Variants in STON1 observed in about 807,000 individuals in gnomAD.
The protein encoded by STON1 is stonin-1.
STON1 carries 79 observed loss-of-function variants against 60.9 expected under a neutral mutation model. That is an observed-to-expected ratio of 1.30 (90% CI 1.08 to 1.56). STON1 has a LOEUF of 1.56. Ranked by LOEUF, STON1 falls within the 40% of genes most tolerant of loss-of-function variation. The pLI is 0.00. For synonymous variants in STON1, 363 were observed against 306.9 expected, an observed-to-expected ratio of 1.18 and a Z score of -1.91; for missense variants, 1,166 against 858.9, an observed-to-expected ratio of 1.36 and a Z score of -4.47.
chr2:48,557,956 C>G (rs1672452233), intron 1 of STON1, among the ~76,000 whole-genome samples: 3 of 152,206 alleles, frequency 2.0e-5, no homozygotes, highest in African/African-American at 7.2e-5. Flanking sequence ...GGTGCGGTGG[C>G]TCATGCCTGT....
rs1018942468 is a variant in STON1 at position 48,566,578 on chromosome 2, C to T, written c.-47-14009C>T. On this transcript the variant is annotated intron_variant, in intron 1 of 3. Transcript: ENST00000404752. Reference sequence around the variant, plus strand: ...GATTACAGGCGTGAGCCACCGCACCCGACCTGTGACTGGGCATTTTAAAGG... The same window carrying T: ...GATTACAGGCGTGAGCCACCGCACCTGACCTGTGACTGGGCATTTTAAAGG... Among the ~76,000 whole-genome samples, 3 of 152,030 alleles carry T rather than the reference C, an allele frequency of 2.0e-5. No individual in the cohort carries two copies. The South Asian group carries it at 6.2e-4, about 32-fold the overall frequency.
At chr2:48,576,653 GAC>G (rs1339282817) in intron 1 of STON1, among the ~76,000 whole-genome samples, 2 of 151,990 alleles carry the variant, frequency 1.3e-5, no homozygotes, top group Admixed American at 1.3e-4. Flanking sequence ...CTTTTTTGGA[GAC>G]ATGTTTATTC....
Position 48,576,185 on chromosome 2 carries a change from C to CTTTTTTTTTTTTT in STON1, c.-47-4389_-47-4377dup, listed in dbSNP as rs34849002. ...TTGCCAAGATTTGTTGTTTTCCTTT[C>CTTTTTTTTTTTTT]TTTTTTTTTTTTTTTTTTTTTTTTT... On this transcript the variant is annotated intron_variant, in intron 1 of 3. Coordinates refer to ENST00000404752, the MANE Select transcript of STON1 (RefSeq NM_006873.4). Among the ~76,000 whole-genome samples, 2 of 63,062 alleles carry CTTTTTTTTTTTTT rather than the reference C, an allele frequency of 3.2e-5. 1 individual carries two copies. The highest frequency in any genetic ancestry group is 1.4e-4 in the African/African-American group (2 of 13,978). 41.4% of individuals were successfully genotyped at this position (63,062 alleles called of 152,430 possible).
At chr2:48,540,239 A>G (rs545697217) in intron 1 of STON1, among the ~76,000 whole-genome samples, 12 of 152,172 alleles carry the variant, frequency 7.9e-5, no homozygotes, top group Admixed American at 5.2e-4. Flanking sequence ...TATGATATAT[A>G]CTAGTTTTTA....
At chr2:48,578,452 G>T (rs1437758964) in intron 1 of STON1, among the ~76,000 whole-genome samples, 9 of 151,644 alleles carry the variant, frequency 5.9e-5, no homozygotes. Context: ...TCAGCTATCT[G>T]TAGTGTTAGT....
At chr2:48,539,605 G>A (rs1164558786) in intron 1 of STON1, among the ~76,000 whole-genome samples, 2 of 151,816 alleles carry the variant, frequency 1.3e-5, no homozygotes, top group Non-Finnish European at 2.9e-5. Flanking sequence ...GGGTTCAAGC[G>A]ATCTTCCTGC....
intron 1 of STON1, among the ~76,000 whole-genome samples, chr2:48,541,047 CTAATT>C (rs2103754049): frequency 6.6e-6 from 1 of 152,248 alleles, no homozygotes; most frequent in East Asian, 1.9e-4. Flanking sequence ...AAATTAACTC[CTAATT>C]TAAAAGTTTA....
chr2:48,592,898 A>G (rs1188980460), intron 3 of STON1, among the ~76,000 whole-genome samples: 1 of 151,582 alleles, frequency 6.6e-6, no homozygotes, highest in Non-Finnish European at 1.5e-5. Flanking sequence ...TACAAGCGTG[A>G]GCCACCGTAT....
At chr2:48,572,434 A>ATCT (rs1673262535) in intron 1 of STON1, among the ~76,000 whole-genome samples, 1 of 152,156 alleles carries the variant, frequency 6.6e-6, no homozygotes, top group African/African-American at 2.4e-5. Context: ...AGGGGGTAGG[A>ATCT]GTGCACTTTG....
chr2:48,587,910 C>T (rs1465094815), intron 2 of STON1, among the ~76,000 whole-genome samples: 1 of 152,140 alleles, frequency 6.6e-6, no homozygotes, highest in Non-Finnish European at 1.5e-5. Context: ...TGGCTTGGGG[C>T]AGGACATTTC....
chr2:48,582,452 C>G lies in STON1; in HGVS notation c.1819C>G (p.Gln607Glu). The G allele has an allele frequency of 6.2e-7, 1 of 1,614,224 alleles. No homozygotes were observed. The highest frequency in any genetic ancestry group is 8.5e-7 in the Non-Finnish European group (1 of 1,180,046). ...MNRRACLGSLQELESEPVIQV... is the reference protein window; with the variant it reads ...MNRRACLGSLEELESEPVIQV... ...CCGCCGAGCATGTCTGGGGAGTTTA[C>G]AGGAACTTGAATCTGAACCTGTCAT... Residue 607 changes from glutamine to glutamate, a missense_variant, in exon 2 of 4, where the codon CAG becomes GAG. Physicochemically the swap from Gln to Glu is conservative, Grantham distance 29 (BLOSUM62 2). Coordinates refer to ENST00000404752, the MANE Select transcript of STON1 (RefSeq NM_006873.4).
At chr2:48,564,923 G>A (rs969197121) in intron 1 of STON1, among the ~76,000 whole-genome samples, 1 of 148,114 alleles carries the variant, frequency 6.8e-6, no homozygotes, top group South Asian at 2.1e-4. Flanking sequence ...AGTAGAGACG[G>A]GGTTTCACCA....
rs562498702 is a variant in STON1 at position 48,580,108 on chromosome 2, A to G, written c.-47-479A>G. Among the ~76,000 whole-genome samples, 5 of 152,116 alleles carry G rather than the reference A, an allele frequency of 3.3e-5. No individual in the cohort carries two copies. The East Asian group carries it at 7.7e-4, about 23-fold the overall frequency. ...TTTTTTGTAGAGACAGGGTTTTGCT[A>G]TGTTGGCCAGACTGCTCTCGAACTG... On this transcript the variant is annotated intron_variant, in intron 1 of 3. Transcript: ENST00000404752.
chr2:48,550,388 T>G (rs1672048185), intron 1 of STON1, among the ~76,000 whole-genome samples: 1 of 151,394 alleles, frequency 6.6e-6, no homozygotes. Flanking sequence ...TCCCAGCTAC[T>G]TGGGAGCCTG....
intron 1 of STON1, among the ~76,000 whole-genome samples, chr2:48,564,688 T>TTTC (rs1243830099): frequency 8.3e-5 from 12 of 144,620 alleles, no homozygotes; most frequent in Middle Eastern, 3.5e-3. Flanking sequence ...TTCTTCCTTC[T>TTTC]TTCTTCTTCT....
chr2:48,568,423 A>G (rs1673041022), intron 1 of STON1, among the ~76,000 whole-genome samples: 1 of 152,100 alleles, frequency 6.6e-6, no homozygotes, highest in Non-Finnish European at 1.5e-5. Flanking sequence ...ATTTTATTTG[A>G]GTGGTTTATG....
At chr2:48,541,777 A>G (rs906745682) in intron 1 of STON1, among the ~76,000 whole-genome samples, 1 of 151,796 alleles carries the variant, frequency 6.6e-6, no homozygotes, top group Non-Finnish European at 1.5e-5. Context: ...TGGCTCCTGC[A>G]TGTGAAATCT....
At chr2:48,569,981 GT>G (rs969735841) in intron 1 of STON1, among the ~76,000 whole-genome samples, 1 of 152,154 alleles carries the variant, frequency 6.6e-6, no homozygotes, top group Non-Finnish European at 1.5e-5. Flanking sequence ...ATTGCTGTTT[GT>G]GAAAGATGTA....
chr2:48,550,228 T>A (rs1209413768), intron 1 of STON1, among the ~76,000 whole-genome samples: 1 of 152,102 alleles, frequency 6.6e-6, no homozygotes, highest in Non-Finnish European at 1.5e-5. Flanking sequence ...CTGGGCGCGG[T>A]GGCTCATGCT....
Sources: allele counts gnomAD v4.1 joint callset (sites outside exome capture counted in the v4.1 genomes callset), GRCh38; gene constraint gnomAD v4.1.1; transcripts MANE v1.5; gene names NCBI Gene and HGNC (gene_info 2026-07-23, HGNC 2026-07-21).